The following PKIA variants were observed in gnomAD, a reference collection of about 807,000 sequenced individuals.
PKIA encodes the protein cAMP-dependent protein kinase inhibitor alpha.
In PKIA, 4 loss-of-function variants were observed where a neutral mutation model predicts 7.6. The observed-to-expected ratio is 0.52, with a 90% confidence interval of 0.26 to 1.20. The LOEUF is 1.20. Among genes scored for constraint, PKIA ranks in the 50% most tolerant of loss-of-function variants. The pLI is 0.13. For missense variants in PKIA, 73 were observed against 86.2 expected (o/e 0.85, Z 0.61); for synonymous variants, 21 against 30.7 (o/e 0.68, Z 1.04).
chr8:78,561,292 A>C (rs190081308), intron 1 of PKIA, among the ~76,000 whole-genome samples: 1 of 152,274 alleles, frequency 6.6e-6, no homozygotes, highest in East Asian at 1.9e-4. Flanking sequence ...GATACAAGCT[A>C]AGATGGGTTC....
At chr8:78,544,932 T>C (rs1368282004) in intron 1 of PKIA, among the ~76,000 whole-genome samples, 1 of 152,126 alleles carries the variant, frequency 6.6e-6, no homozygotes, top group African/African-American at 2.4e-5. Flanking sequence ...TAGCCAGTAA[T>C]AGAGGCCTGA....
At chr8:78,591,113 C>T (rs1808083132) in intron 2 of PKIA, 1 of 152,526 alleles carries the variant, frequency 6.6e-6, no homozygotes, top group Non-Finnish European at 1.5e-5. Context: ...TCCTCCAAGT[C>T]TGTGAGTCTC....
chr8:78,522,524 A>G (rs1349639668), intron 1 of PKIA, among the ~76,000 whole-genome samples: 1 of 151,968 alleles, frequency 6.6e-6, no homozygotes, highest in Non-Finnish European at 1.5e-5. Context: ...ACTATCTTAA[A>G]AATGAATACA....
intron 1 of PKIA, among the ~76,000 whole-genome samples, chr8:78,536,411 C>T (rs573022176): frequency 6.6e-6 from 1 of 152,112 alleles, no homozygotes. Context: ...CATCTGAGCT[C>T]TGGTTAGAGA....
At chr8:78,578,872 A>G (rs1292577492) in intron 2 of PKIA, among the ~76,000 whole-genome samples, 2 of 152,048 alleles carry the variant, frequency 1.3e-5, no homozygotes, top group Admixed American at 6.6e-5. Flanking sequence ...TCATACCTCT[A>G]GCCTTCACCA....
intron 2 of PKIA, among the ~76,000 whole-genome samples, chr8:78,592,026 AG>A (rs1285045943): frequency 6.6e-6 from 1 of 152,170 alleles, no homozygotes; most frequent in Non-Finnish European, 1.5e-5. Flanking sequence ...TCAAAGCAAA[AG>A]TACAAGTCGT....
At chr8:78,595,448 T>A (rs937838136) in intron 2 of PKIA, among the ~76,000 whole-genome samples, 11 of 152,172 alleles carry the variant, frequency 7.2e-5, no homozygotes, top group African/African-American at 2.7e-4. Flanking sequence ...CTTCCAACTT[T>A]TATTTTAGGT....
intron 1 of PKIA, chr8:78,534,973 TGC>T (rs1806484634): frequency 6.6e-6 from 1 of 152,146 alleles, no homozygotes; most frequent in Admixed American, 6.6e-5. Flanking sequence ...AAAGTTTCCC[TGC>T]CAAGAAATCA....
intron 1 of PKIA, among the ~76,000 whole-genome samples, chr8:78,569,784 T>C (rs1330531037): frequency 6.6e-6 from 1 of 151,996 alleles, no homozygotes; most frequent in Non-Finnish European, 1.5e-5. Context: ...AAATAGAAAG[T>C]ATAAGCAACA....
intron 1 of PKIA, among the ~76,000 whole-genome samples, chr8:78,524,147 T>A (rs1260108124): frequency 7.2e-6 from 1 of 139,682 alleles, no homozygotes; most frequent in African/African-American, 2.6e-5. Flanking sequence ...TAAACATTTA[T>A]ATTTATATAT....
intron 2 of PKIA, among the ~76,000 whole-genome samples, chr8:78,586,781 T>C (rs1029701430): frequency 6.6e-6 from 1 of 152,126 alleles, no homozygotes; most frequent in African/African-American, 2.4e-5. Context: ...ACTGCAAACA[T>C]TGGAAAATGG....
intron 2 of PKIA, among the ~76,000 whole-genome samples, chr8:78,597,637 A>T (rs1248110604): frequency 2.0e-5 from 3 of 152,222 alleles, no homozygotes; most frequent in African/African-American, 7.2e-5. Flanking sequence ...CTAAAATGGT[A>T]TTAGAGAAAG....
At chr8:78,566,023 C>T (rs1162405306) in intron 1 of PKIA, among the ~76,000 whole-genome samples, 1 of 151,786 alleles carries the variant, frequency 6.6e-6, no homozygotes, top group Non-Finnish European at 1.5e-5. Context: ...GAAAGTAGAA[C>T]AAATTGATAT....
intron 2 of PKIA, among the ~76,000 whole-genome samples, chr8:78,590,400 A>C (rs915293660): frequency 6.6e-6 from 1 of 152,166 alleles, no homozygotes; most frequent in African/African-American, 2.4e-5. Context: ...ATATGACTTC[A>C]GATTCCACAT....
chr8:78,520,250 GTAA>G (rs1809391474), intron 1 of PKIA, among the ~76,000 whole-genome samples: 1 of 152,102 alleles, frequency 6.6e-6, no homozygotes, highest in Admixed American at 6.6e-5. Context: ...AATCATTATA[GTAA>G]TAATAAATAT....
intron 2 of PKIA, among the ~76,000 whole-genome samples, chr8:78,575,617 A>C (rs1807656903): frequency 6.6e-6 from 1 of 151,996 alleles, no homozygotes; most frequent in Non-Finnish European, 1.5e-5. Context: ...TGCAAGATTT[A>C]TCTTAACATG....
intron 1 of PKIA, among the ~76,000 whole-genome samples, chr8:78,525,519 C>T (rs1276527981): frequency 6.6e-6 from 1 of 151,950 alleles, no homozygotes; most frequent in Admixed American, 6.6e-5. Flanking sequence ...GCATCTTGCT[C>T]ATCTATTTAG....
intron 1 of PKIA, among the ~76,000 whole-genome samples, chr8:78,562,649 T>C (rs868382621): frequency 7.0e-4 from 107 of 152,252 alleles, no homozygotes; most frequent in Middle Eastern, 3.4e-3. Context: ...CATTTCAGTG[T>C]CATTTCAGAT....
intron 1 of PKIA, among the ~76,000 whole-genome samples, chr8:78,551,922 C>T (rs1806994537): frequency 6.6e-6 from 1 of 151,956 alleles, no homozygotes; most frequent in South Asian, 2.1e-4. Context: ...ATTGAGAATG[C>T]TGTTTAACTC....
Sources: gnomAD v4.1 joint callset for allele counts (sites outside exome capture counted in the v4.1 genomes callset) on GRCh38, gnomAD v4.1.1 for gene constraint, MANE v1.5 for transcripts, NCBI Gene and HGNC (gene_info 2026-07-23, HGNC 2026-07-21) for gene names.